Variants in USP13 observed in about 807,000 individuals in gnomAD.
USP13 encodes the protein ubiquitin specific peptidase 13, also known as ubiquitin carboxyl-terminal hydrolase 13.
A neutral mutation model predicts 107.8 loss-of-function variants in USP13; 68 were observed. That is an observed-to-expected ratio of 0.63 (90% confidence interval 0.52 to 0.77). The LOEUF (loss-of-function observed/expected upper bound fraction) is 0.77, where lower values mean the gene tolerates loss of function less well. Among genes scored for constraint, USP13 ranks in the 30% least tolerant of loss-of-function variants. The pLI is 0.00. For synonymous variants in USP13, 377 were observed against 389.5 expected (o/e 0.97, Z 0.38); for missense variants, 945 against 1,093.3 (o/e 0.86, Z 1.91).
At chr3:179,752,552 C>T (rs561195644) in intron 14 of USP13, among the ~76,000 whole-genome samples, 179 bp downstream of exon 14, 2 of 152,354 alleles carry the variant, frequency 1.3e-5, no homozygotes, top group South Asian at 4.1e-4. Context: ...TTGCCATCTG[C>T]TTACCCACCC....
At chr3:179,731,634 C>G (rs77526348) in intron 10 of USP13, among the ~76,000 whole-genome samples, 1 of 152,236 alleles carries the variant, frequency 6.6e-6, no homozygotes, top group East Asian at 1.9e-4. Flanking sequence ...TCCACTGGAC[C>G]CTCCCTATGC....
chr3:179,773,262 G>A (rs532602427), intron 19 of USP13, among the ~76,000 whole-genome samples: 39 of 152,284 alleles, frequency 2.6e-4, no homozygotes, highest in African/African-American at 9.4e-4. Context: ...TTGTACAGAG[G>A]GAGTTAGAGA....
intron 8 of USP13, 148 bp from the exon 9 acceptor site, chr3:179,730,041 G>A (rs1183173626): frequency 1.5e-6 from 1 of 658,790 alleles, no homozygotes. Flanking sequence ...GTGCTGGTAG[G>A]GGTAGAATCT....
intron 1 of USP13, among the ~76,000 whole-genome samples, chr3:179,664,381 A>G (rs879840531): frequency 6.6e-6 from 1 of 152,198 alleles, no homozygotes; most frequent in Non-Finnish European, 1.5e-5. Flanking sequence ...GGCATGAGCC[A>G]CCGCACCCAG....
intron 8 of USP13, among the ~76,000 whole-genome samples, chr3:179,727,627 T>C (rs1334459479): frequency 6.0e-4 from 55 of 91,640 alleles, no homozygotes; most frequent in African/African-American, 1.9e-3. Flanking sequence ...TTCCCCCCTT[T>C]CTATTCCACA....
intron 6 of USP13, among the ~76,000 whole-genome samples, chr3:179,718,757 ATTTCT>A (rs1186423449): frequency 4.0e-5 from 6 of 151,524 alleles, no homozygotes; most frequent in African/African-American, 1.5e-4. Context: ...AAGATTCTGC[ATTTCT>A]TTTCTTTTCT....
chr3:179,670,192 A>G (rs1369118079), intron 1 of USP13, among the ~76,000 whole-genome samples: 3 of 152,178 alleles, frequency 2.0e-5, no homozygotes, highest in South Asian at 2.1e-4. Context: ...TCCTAGAGAC[A>G]ACCCTGTCCC....
intron 19 of USP13, among the ~76,000 whole-genome samples, 199 bp from the exon 20 acceptor site, chr3:179,781,540 T>G (rs1442396674): frequency 8.1e-6 from 1 of 123,034 alleles, no homozygotes; most frequent in East Asian, 2.1e-4. Context: ...TATGTCCTAT[T>G]TTTTGATCAC....
At chr3:179,659,042 G>A (rs190359062) in intron 1 of USP13, among the ~76,000 whole-genome samples, 12 of 152,250 alleles carry the variant, frequency 7.9e-5, no homozygotes, top group South Asian at 2.1e-4. Context: ...TTCCCTTCTC[G>A]CATTGGGACT....
rs772357265 is a variant in USP13, at chr3:179,758,015, C to T, written c.1948+937C>T. On this transcript the variant is annotated intron_variant, in intron 16 of 20. Coordinates refer to ENST00000263966, the MANE Select transcript of USP13 (RefSeq NM_003940.3). Reference sequence around the variant, plus strand: ...TTTATTGTTCCATAAATTCTTTCAACGGTCTACAACTCTACTTTTTATAAA... The same window carrying T: ...TTTATTGTTCCATAAATTCTTTCAATGGTCTACAACTCTACTTTTTATAAA... Among the ~76,000 whole-genome samples the T allele has an allele frequency of 1.2e-4, 18 of 152,188 alleles. 1 individual carries two copies. The highest frequency in any genetic ancestry group is 3.9e-4 in the Admixed American group (6 of 15,284).
chr3:179,767,862 G>T (rs958080037), intron 19 of USP13, among the ~76,000 whole-genome samples: 1 of 152,046 alleles, frequency 6.6e-6, no homozygotes, highest in African/African-American at 2.4e-5. Flanking sequence ...TAACATGTAC[G>T]TATTCATATA....
chr3:179,676,398 T>C (rs185464634), intron 1 of USP13, among the ~76,000 whole-genome samples: 13 of 152,292 alleles, frequency 8.5e-5, no homozygotes, highest in Middle Eastern at 6.8e-3. Flanking sequence ...TTTACCATGC[T>C]TTCTTGGGTG....
At chr3:179,773,504 T>C (rs1370900127) in intron 19 of USP13, among the ~76,000 whole-genome samples, 1 of 152,206 alleles carries the variant, frequency 6.6e-6, no homozygotes, top group African/African-American at 2.4e-5. Flanking sequence ...ATTAAATTCA[T>C]TTAAAGACAC....
chr3:179,733,891 A>G (rs1713895250), intron 10 of USP13, among the ~76,000 whole-genome samples: 1 of 152,218 alleles, frequency 6.6e-6, no homozygotes, highest in African/African-American at 2.4e-5. Flanking sequence ...GCTGGGAATT[A>G]TATCAGGCAG....
intron 19 of USP13, among the ~76,000 whole-genome samples, chr3:179,767,528 G>A (rs543561471): frequency 9.2e-5 from 14 of 151,818 alleles, no homozygotes; most frequent in African/African-American, 2.7e-4. Flanking sequence ...AGGTTCAAGC[G>A]ATTCTCCTGC....
At chr3:179,702,042 C>T (rs1428819626) in intron 4 of USP13, among the ~76,000 whole-genome samples, 4 of 151,686 alleles carry the variant, frequency 2.6e-5, no homozygotes, top group South Asian at 2.1e-4. Context: ...TTTTTTGAGA[C>T]GGAGTCTCGC....
At chr3:179,770,293 C>G (rs1211899222) in intron 19 of USP13, among the ~76,000 whole-genome samples, 1 of 152,208 alleles carries the variant, frequency 6.6e-6, no homozygotes, top group African/African-American at 2.4e-5. Flanking sequence ...CGCCCCTTTT[C>G]TAACTCTTGC....
chr3:179,778,829 A>G (rs1052147233), intron 19 of USP13, among the ~76,000 whole-genome samples: 1 of 152,074 alleles, frequency 6.6e-6, no homozygotes, highest in African/African-American at 2.4e-5. Flanking sequence ...TGGACAGGAA[A>G]GCAGGATAAG....
intron 3 of USP13, among the ~76,000 whole-genome samples, chr3:179,691,236 A>G (rs1345671930): frequency 6.6e-6 from 1 of 151,398 alleles, no homozygotes; most frequent in African/African-American, 2.4e-5. Context: ...TACAGACTTC[A>G]TTCAGATTTC....
Sources: gnomAD v4.1 joint callset for allele counts (sites outside exome capture counted in the v4.1 genomes callset) on GRCh38, gnomAD v4.1.1 for gene constraint, MANE v1.5 for transcripts, NCBI Gene and HGNC (gene_info 2026-07-23, HGNC 2026-07-21) for gene names.